DOCK1: variants seen among roughly 807,000 people sequenced by gnomAD.
The protein encoded by DOCK1 is dedicator of cytokinesis 1.
DOCK1 carries 138 observed loss-of-function variants against 262.7 expected under a neutral mutation model. The ratio of observed to expected loss-of-function variants is 0.53; its 90% CI spans 0.46 to 0.61. The LOEUF (loss-of-function observed/expected upper bound fraction) is 0.61, where lower values mean the gene tolerates loss of function less well. Among genes scored for constraint, DOCK1 ranks in the 20% least tolerant of loss-of-function variants. DOCK1 has a pLI of 0.00. For synonymous variants in DOCK1, 866 were observed against 867.4 expected (o/e 1.00, Z 0.03); for missense variants, 1,908 against 2,370.7 (o/e 0.80, Z 4.05).
At chr10:126,978,103 A>AT in intron 3 of DOCK1, 115 bp downstream of exon 3, 2 of 1,011,906 alleles carry the variant, frequency 2.0e-6, no homozygotes, top group Non-Finnish European at 3.0e-6. Context: ...CTTTCTCTGA[A>AT]TTTAAAAAAA....
intron 1 of DOCK1, among the ~76,000 whole-genome samples, chr10:126,906,325 G>T (rs1278126615): frequency 6.6e-6 from 1 of 152,170 alleles, no homozygotes; most frequent in African/African-American, 2.4e-5. Context: ...TTTCCCTTGC[G>T]GCTGAATAGA....
intron 47 of DOCK1, among the ~76,000 whole-genome samples, chr10:127,432,419 G>A (rs903051541): frequency 2.4e-4 from 36 of 151,894 alleles, no homozygotes; most frequent in African/African-American, 8.5e-4. Flanking sequence ...TGAGATGGGC[G>A]GGGTGGGGTT....
At chr10:127,023,821 G>C (rs1564740595) in intron 14 of DOCK1, among the ~76,000 whole-genome samples, 1 of 152,270 alleles carries the variant, frequency 6.6e-6, no homozygotes, top group East Asian at 1.9e-4. Flanking sequence ...TAAAGGTCTA[G>C]CAGTCACACT....
intron 27 of DOCK1, among the ~76,000 whole-genome samples, chr10:127,231,440 G>A (rs2058837257): frequency 6.6e-6 from 1 of 151,474 alleles, no homozygotes; most frequent in Non-Finnish European, 1.5e-5. Flanking sequence ...TTTATTTTGA[G>A]GTGAGGTCTC....
intron 27 of DOCK1, among the ~76,000 whole-genome samples, chr10:127,184,322 A>G (rs1010513087): frequency 1.6e-5 from 1 of 62,704 alleles, no homozygotes; most frequent in African/African-American, 8.6e-5. Flanking sequence ...TTCCCCCCCC[A>G]GTCTAATCCC....
chr10:127,434,604 C>T (rs568847181), intron 48 of DOCK1, among the ~76,000 whole-genome samples: 1 of 152,044 alleles, frequency 6.6e-6, no homozygotes, highest in Non-Finnish European at 1.5e-5. Flanking sequence ...TGATTAAACA[C>T]TAACTTTGCA....
intron 21 of DOCK1, among the ~76,000 whole-genome samples, chr10:127,045,215 A>T (rs1474303817): frequency 2.0e-5 from 3 of 151,450 alleles, no homozygotes; most frequent in African/African-American, 7.3e-5. Context: ...AAAAAAAAAA[A>T]AAAAAAAAAA....
At chr10:127,202,149 C>T (rs1057502987) in intron 27 of DOCK1, among the ~76,000 whole-genome samples, 1 of 152,128 alleles carries the variant, frequency 6.6e-6, no homozygotes, top group African/African-American at 2.4e-5. Context: ...ATGGTGAAAG[C>T]TTGTCTCTAC....
intron 38 of DOCK1, among the ~76,000 whole-genome samples, chr10:127,385,951 A>C (rs1332697228): frequency 6.6e-6 from 1 of 152,194 alleles, no homozygotes; most frequent in African/African-American, 2.4e-5. Flanking sequence ...ATTACATCCA[A>C]ATACCCTGTT....
At chr10:127,091,788 G>A (rs1285727474) in intron 23 of DOCK1, among the ~76,000 whole-genome samples, 1 of 152,170 alleles carries the variant, frequency 6.6e-6, no homozygotes, top group African/African-American at 2.4e-5. Context: ...AAGAGTCTCA[G>A]AGTGACCAAA....
intron 1 of DOCK1, among the ~76,000 whole-genome samples, chr10:126,967,531 C>T (rs1387337953): frequency 2.6e-5 from 3 of 116,848 alleles, no homozygotes; most frequent in African/African-American, 4.0e-5. Context: ...GCTGCTGTGA[C>T]GAATTGCCAC....
At chr10:127,212,221 G>A (rs1035189224) in intron 27 of DOCK1, among the ~76,000 whole-genome samples, 6 of 152,094 alleles carry the variant, frequency 3.9e-5, no homozygotes, top group African/African-American at 1.4e-4. Context: ...TGATGTGTCT[G>A]CTTGGGTAAG....
intron 18 of DOCK1, among the ~76,000 whole-genome samples, chr10:127,033,561 C>A (rs957018604): frequency 1.3e-5 from 2 of 152,188 alleles, no homozygotes; most frequent in African/African-American, 4.8e-5. Context: ...GCTTGAAAAT[C>A]CAATTTTTTC....
At chr10:127,255,147 C>T (rs1199875637) in intron 28 of DOCK1, among the ~76,000 whole-genome samples, 2 of 152,146 alleles carry the variant, frequency 1.3e-5, no homozygotes, top group Non-Finnish European at 2.9e-5. Context: ...CACCTGTAAT[C>T]CCAACACTTT....
At chr10:127,121,455 A>ATATATGTG (rs139656728) in intron 25 of DOCK1, among the ~76,000 whole-genome samples, 1 of 148,260 alleles carries the variant, frequency 6.7e-6, no homozygotes, top group African/African-American at 2.5e-5. Context: ...GTATATGTAT[A>ATATATGTG]TGTGTGTGTG....
chr10:127,008,127 T>G (rs1191006809), intron 10 of DOCK1, among the ~76,000 whole-genome samples: 1 of 152,184 alleles, frequency 6.6e-6, no homozygotes, highest in African/African-American at 2.4e-5. Context: ...TGGCAGGGTC[T>G]CACTCTGTCA....
chr10:127,145,947 T>C (rs767594686), intron 27 of DOCK1: 7 of 510,046 alleles, frequency 1.4e-5, no homozygotes, highest in African/African-American at 1.4e-4. Context: ...ACAGGTTCTT[T>C]CAAGACGCCT....
chr10:127,233,712 G>A (rs1479809664), intron 27 of DOCK1, among the ~76,000 whole-genome samples: 2 of 152,186 alleles, frequency 1.3e-5, no homozygotes, highest in African/African-American at 2.4e-5. Context: ...AAAGGTTTCA[G>A]CGAACGGATA....
rs191944078 is a variant in DOCK1 at position 126,925,680 on chromosome 10, C to T, written c.46+20117C>T. On this transcript the variant is annotated intron_variant, in intron 1 of 51. Transcript: ENST00000623213. The stretch of plus-strand genomic sequence containing the variant: ...TACAGGCGTGAGCCACCCTGGCCGG[C>T]CTTATGTGAACATGTCTAAACACAT... Among the ~76,000 whole-genome samples the T allele has an allele frequency of 3.9e-3, 595 of 151,780 alleles. 7 individuals are homozygous for T. Among genetic ancestry groups the T allele is most frequent in the African/African-American group, 0.014 (576 of 41,360 alleles).
Sources: gnomAD v4.1 joint callset for allele counts (sites outside exome capture counted in the v4.1 genomes callset) on GRCh38, gnomAD v4.1.1 for gene constraint, MANE v1.5 for transcripts, NCBI Gene and HGNC (gene_info 2026-07-23, HGNC 2026-07-21) for gene names.